PSD3: variants seen among roughly 807,000 people sequenced by gnomAD.
PSD3 encodes PH and SEC7 domain-containing protein 3.
PSD3 carries 49 observed loss-of-function variants against 105.5 expected under a neutral mutation model. The observed-to-expected ratio is 0.46, with a 90% confidence interval of 0.37 to 0.59. The LOEUF (loss-of-function observed/expected upper bound fraction) is 0.59. Ranked by LOEUF, PSD3 falls within the 20% of genes least tolerant of loss-of-function variation. PSD3 has a pLI of 0.00. For missense variants in PSD3, 1,561 were observed against 1,263.8 expected, an observed-to-expected ratio of 1.24 and a Z score of -3.57; for synonymous variants, 557 against 457.8, an observed-to-expected ratio of 1.22 and a Z score of -2.77.
At chr8:18,596,483 T>C (rs1369095333) in intron 12 of PSD3, among the ~76,000 whole-genome samples, 1 of 150,450 alleles carries the variant, frequency 6.6e-6, no homozygotes, top group Non-Finnish European at 1.5e-5. Context: ...GAAATGAAAA[T>C]CTAATCAAAG....
intron 1 of PSD3, among the ~76,000 whole-genome samples, chr8:19,006,230 T>C (rs1046599182): frequency 6.8e-6 from 1 of 147,600 alleles, no homozygotes; most frequent in African/African-American, 2.5e-5. Context: ...GAGGCGGGGG[T>C]TGCAGTGAGC....
Position 18,632,681 on chromosome 8 carries a change from G to A in PSD3, c.2342C>T (p.Pro781Leu). Residue 781 changes from proline (P) to leucine (L), a missense_variant, in exon 11 of 16, where the codon CCA becomes CTA. Pro to Leu is a moderately conservative substitution (Grantham distance 98, BLOSUM62 -3). Transcript: ENST00000327040. ...TCCACTTTTGTACACAGCAGCATTT[G>A]GATCATGAGGAATGTCCAAAAATGG... ...TNPFLDIPHD[P>L]NAAVYKSGFL... 2 of 1,612,700 alleles carry A rather than the reference G, an allele frequency of 1.2e-6. No homozygotes were observed. The highest frequency in any genetic ancestry group is 1.7e-6 in the Non-Finnish European group (2 of 1,179,120).
intron 2 of PSD3, among the ~76,000 whole-genome samples, chr8:18,927,196 C>T (rs897137188): frequency 1.3e-5 from 2 of 152,072 alleles, no homozygotes; most frequent in Non-Finnish European, 2.9e-5. Context: ...ACCTCTCAAA[C>T]GCTGTCCTTT....
intron 2 of PSD3, among the ~76,000 whole-genome samples, chr8:18,876,634 A>C (rs1216327543): frequency 6.6e-6 from 1 of 152,120 alleles, no homozygotes; most frequent in Non-Finnish European, 1.5e-5. Context: ...TCCTGGGCTC[A>C]AAGGATACGC....
intron 14 of PSD3, among the ~76,000 whole-genome samples, chr8:18,564,222 A>G (rs1284923544): frequency 2.0e-5 from 3 of 152,182 alleles, no homozygotes; most frequent in African/African-American, 4.8e-5. Flanking sequence ...ATCATATATT[A>G]AAAGATATCT....
chr8:19,028,325 G>A (rs1002996584), intron 1 of PSD3, among the ~76,000 whole-genome samples: 2 of 114,424 alleles, frequency 1.7e-5, no homozygotes, highest in Admixed American at 1.2e-4. Context: ...GGAGTTGGAA[G>A]ATTGTGAAGA....
chr8:18,670,626 G>A lies in PSD3; in HGVS notation c.2173-14941C>T, dbSNP rs566969513. Among the ~76,000 whole-genome samples, 4 of 152,192 alleles carry A rather than the reference G, an allele frequency of 2.6e-5. No individual in the cohort carries two copies. The East Asian group carries it at 5.8e-4, about 22-fold the overall frequency. On this transcript the variant is annotated intron_variant, in intron 9 of 15. Transcript: ENST00000327040. ...GCACAAATAAAAAACTGGGTACAAC[G>A]AACAGTTTCAACAGTAGCACCAGAA... is the stretch of plus-strand genomic sequence containing the variant.
chr8:18,771,445 A>G (rs1015114056), intron 8 of PSD3, among the ~76,000 whole-genome samples: 3 of 152,178 alleles, frequency 2.0e-5, no homozygotes, highest in African/African-American at 7.2e-5. Context: ...CAACATCACA[A>G]AGATTTACTC....
chr8:18,665,598 G>A (rs1799403602), intron 9 of PSD3, among the ~76,000 whole-genome samples: 2 of 152,238 alleles, frequency 1.3e-5, no homozygotes, highest in African/African-American at 4.8e-5. Context: ...CAGTAGCAGG[G>A]TTTGAGGGGA....
chr8:18,880,381 T>C (rs888196953), intron 2 of PSD3, among the ~76,000 whole-genome samples: 7 of 152,112 alleles, frequency 4.6e-5, no homozygotes, highest in African/African-American at 1.7e-4. Context: ...TTCCAGAACA[T>C]GAAAAGTCTG....
chr8:18,934,367 G>A (rs947460650), intron 2 of PSD3, among the ~76,000 whole-genome samples: 1 of 152,226 alleles, frequency 6.6e-6, no homozygotes, highest in Non-Finnish European at 1.5e-5. Context: ...ATAATTAACA[G>A]CAGCCAACAC....
intron 1 of PSD3, among the ~76,000 whole-genome samples, chr8:19,028,586 T>G (rs1053294099): frequency 6.6e-6 from 1 of 152,178 alleles, no homozygotes; most frequent in Non-Finnish European, 1.5e-5. Context: ...ACATCCTGGA[T>G]ACAATTTATG....
At chr8:18,743,933 C>G (rs1804777828) in intron 9 of PSD3, among the ~76,000 whole-genome samples, 1 of 148,190 alleles carries the variant, frequency 6.7e-6, no homozygotes, top group South Asian at 2.2e-4. Flanking sequence ...GCACTCCAGC[C>G]TGGGTGAAAG....
In PSD3 at chr8:18,535,773, T is replaced by C. The variant is rs748348614; in HGVS notation, c.3114A>G (p.Glu1038=). The change falls in exon 16 of 16, where the codon GAA becomes GAG. Residue 1038 remains glutamate, a synonymous_variant. Coordinates refer to ENST00000327040, the MANE Select transcript of PSD3 (RefSeq NM_015310.4). The part of the protein sequence containing the change: ...NVSERKDHRP[E]TPSIKQKVT ...TAACTTTTTGCTTAATGCTTGGTGT[T>C]TCAGGTCGGTGATCCTTCCTCTCTG... The C allele has an allele frequency of 2.0e-5, 33 of 1,613,946 alleles. No homozygotes were observed. Among genetic ancestry groups the C allele is most frequent in the Non-Finnish European group, 2.8e-5 (33 of 1,179,920 alleles).
intron 12 of PSD3, among the ~76,000 whole-genome samples, chr8:18,586,220 G>A (rs757595880): frequency 4.5e-4 from 69 of 152,150 alleles, no homozygotes; most frequent in Non-Finnish European, 9.1e-4. Context: ...CACTTTGGCT[G>A]GGATGGGAGT....
chr8:18,639,444 T>C (rs957981863), intron 10 of PSD3, among the ~76,000 whole-genome samples: 2 of 152,200 alleles, frequency 1.3e-5, no homozygotes, highest in South Asian at 4.1e-4. Flanking sequence ...CTTAGTGTTA[T>C]GGGTTTAATT....
intron 1 of PSD3, among the ~76,000 whole-genome samples, chr8:18,980,200 A>G (rs1020301595): frequency 1.3e-5 from 2 of 152,198 alleles, no homozygotes; most frequent in African/African-American, 4.8e-5. Context: ...CTCTGCCAAA[A>G]AGTTCCTCAC....
intron 1 of PSD3, among the ~76,000 whole-genome samples, chr8:19,040,467 A>G (rs1475363337): frequency 1.3e-5 from 2 of 152,020 alleles, no homozygotes; most frequent in Admixed American, 6.6e-5. Flanking sequence ...CTGCCTCCCA[A>G]AGTGTTGGGA....
intron 8 of PSD3, among the ~76,000 whole-genome samples, chr8:18,789,391 T>C (rs1809488949): frequency 1.3e-5 from 2 of 152,194 alleles, no homozygotes; most frequent in Non-Finnish European, 2.9e-5. Flanking sequence ...TTAAGTGCTA[T>C]TCTTTAATAT....
Sources: gnomAD v4.1 joint callset for allele counts (sites outside exome capture counted in the v4.1 genomes callset) on GRCh38, gnomAD v4.1.1 for gene constraint, MANE v1.5 for transcripts, NCBI Gene and HGNC (gene_info 2026-07-23, HGNC 2026-07-21) for gene names.